Variants in ADAM22 observed in about 807,000 individuals in gnomAD.
ADAM22 encodes disintegrin and metalloproteinase domain-containing protein 22.
A neutral mutation model predicts 144.6 loss-of-function variants in ADAM22; 65 were observed. The observed-to-expected ratio is 0.45, with a 90% confidence interval of 0.37 to 0.55. The LOEUF is 0.55. ADAM22 is among the 20% of genes least tolerant of loss of function. The pLI is 0.00. For synonymous variants in ADAM22, 391 were observed against 412.6 expected (o/e 0.95, Z 0.63); for missense variants, 974 against 1,184.9 (o/e 0.82, Z 2.61).
At chr7:88,178,719 C>T (rs1846282270) in intron 26 of ADAM22, among the ~76,000 whole-genome samples, 1 of 152,058 alleles carries the variant, frequency 6.6e-6, no homozygotes, top group Admixed American at 6.5e-5. Flanking sequence ...CTTTATTCAT[C>T]CAAATGATAA....
Position 88,136,009 on chromosome 7 carries a change from G to A in ADAM22, c.1198G>A (p.Gly400Arg), listed in dbSNP as rs953081902. 3 of 1,611,880 alleles carry A rather than the reference G, an allele frequency of 1.9e-6. No homozygotes were observed. Among genetic ancestry groups the A allele is most frequent in the East Asian group, 2.2e-5 (1 of 44,822 alleles). ...GECKCEDTWS[G>R]CIMGDTGYYL... ...ATGTAAATGCGAGGACACGTGGTCC[G>A]GGTGCATAATGGGAGACACTGGGTG... is the stretch of plus-strand genomic sequence containing the variant. The change falls in exon 14 of 32, where the codon GGG (glycine) becomes AGG (arginine). Residue 400 changes from glycine (G) to arginine (R), a missense_variant. Around this residue, in one of 2 missense-constraint regions of ADAM22, gnomAD observed 734 missense variants for 950.6 expected, o/e 0.77. Transcript: ENST00000413139.
rs149543640 is a variant in ADAM22, at chr7:87,973,045, T to C, written c.247-5291T>C. On this transcript the variant is annotated intron_variant, in intron 2 of 31. Transcript: ENST00000413139. ...GACATAGGCACGGGCAGACTTCATG[T>C]CTCAAACCCCCAAAGCAATGGCAAC... 8.5e-4 allele frequency among the ~76,000 whole-genome samples: 130 copies of C among 152,240 alleles called. 4 individuals are homozygous for C. The East Asian group carries it at 0.023, about 27-fold the overall frequency.
At chr7:88,147,270 G>A (rs1027332140) in intron 17 of ADAM22, among the ~76,000 whole-genome samples, 1 of 152,142 alleles carries the variant, frequency 6.6e-6, no homozygotes, top group African/African-American at 2.4e-5. Context: ...TAGACTCCTA[G>A]GGCAGCCAGA....
chr7:88,083,235 A>C lies in ADAM22; in HGVS notation c.390+7543A>C, dbSNP rs530845400. Among the ~76,000 whole-genome samples the C allele has an allele frequency of 2.0e-5, 3 of 152,244 alleles. No homozygotes were observed. In the South Asian group the frequency reaches 6.2e-4, roughly 32 times the overall value. On this transcript the variant is annotated intron_variant, in intron 4 of 31. Coordinates refer to ENST00000413139, the MANE Select transcript of ADAM22 (RefSeq NM_001324418.2). The stretch of plus-strand genomic sequence containing the variant: ...CCATCATTCTCAGCAAACTATTGCG[A>C]GGACAAAAAACCAAACACCGCATGT...
intron 5 of ADAM22, among the ~76,000 whole-genome samples, chr7:88,113,703 A>ATATATATATATATATATATATATATATAT (rs1554478728): frequency 2.1e-5 from 1 of 48,106 alleles, no homozygotes; most frequent in East Asian, 1.4e-3. Context: ...TAAATAAATA[A>ATATATATATATATATATATATATATATAT]ATATATATAT....
At chr7:87,973,389 T>C (rs2129447727) in intron 2 of ADAM22, among the ~76,000 whole-genome samples, 1 of 111,918 alleles carries the variant, frequency 8.9e-6, no homozygotes, top group South Asian at 2.5e-4. Context: ...CACAATGAGA[T>C]ACCATCTCAC....
chr7:88,106,476 C>T (rs1211602155), intron 4 of ADAM22, among the ~76,000 whole-genome samples: 1 of 152,186 alleles, frequency 6.6e-6, no homozygotes, highest in Non-Finnish European at 1.5e-5. Flanking sequence ...ATCCTGTTCT[C>T]TCTCCTCCAT....
At position 88,196,989 on chromosome 7, in the gene ADAM22, T is replaced by G. The variant is rs2129541811; in HGVS notation, c.*498T>G. On this transcript the variant is annotated 3_prime_UTR_variant, in exon 32 of 32. Coordinates refer to ENST00000413139, the MANE Select transcript of ADAM22 (RefSeq NM_001324418.2). ...GCAGGGCTAAGGCATATAGGATTTT[T>G]CTGCAGGACTTTAAAGCTTTGAAAG... The G allele has an allele frequency of 6.5e-6, 1 of 154,572 alleles. No individual in the cohort carries two copies. The highest frequency in any genetic ancestry group is 1.9e-4 in the East Asian group (1 of 5,276). The allele number at this position is 154,572 out of a possible 1,614,324, so 9.6% of individuals were successfully genotyped here.
intron 4 of ADAM22, among the ~76,000 whole-genome samples, chr7:88,083,977 T>C (rs1399040327): frequency 6.6e-6 from 1 of 152,202 alleles, no homozygotes; most frequent in Non-Finnish European, 1.5e-5. Context: ...TTCATTTGGC[T>C]TCACTTCTCT....
At chr7:88,040,294 G>A (rs1802793784) in intron 3 of ADAM22, among the ~76,000 whole-genome samples, 1 of 151,880 alleles carries the variant, frequency 6.6e-6, no homozygotes, top group African/African-American at 2.4e-5. Flanking sequence ...ACCATACCCA[G>A]CTACTTTTTG....
intron 22 of ADAM22, among the ~76,000 whole-genome samples, chr7:88,159,767 G>A (rs752818991): frequency 5.3e-5 from 8 of 151,794 alleles, no homozygotes; most frequent in East Asian, 1.9e-4. Flanking sequence ...CAAAATAAGA[G>A]CCATCTATGA....
At chr7:88,151,150 G>T (rs1013148718) in intron 19 of ADAM22, 107 bp from the exon 20 acceptor site, 2 of 1,510,062 alleles carry the variant, frequency 1.3e-6, no homozygotes, top group Non-Finnish European at 1.8e-6. Context: ...AAGATAAAAG[G>T]CCTCTCTACT....
intron 8 of ADAM22, among the ~76,000 whole-genome samples, chr7:88,126,839 A>C (rs1016204912): frequency 2.0e-5 from 3 of 151,922 alleles, no homozygotes; most frequent in African/African-American, 7.2e-5. Context: ...AGAGATACTT[A>C]ACCTATAATA....
chr7:87,986,824 A>G (rs1389996231), intron 3 of ADAM22, among the ~76,000 whole-genome samples: 1 of 152,178 alleles, frequency 6.6e-6, no homozygotes, highest in African/African-American at 2.4e-5. Context: ...AGATTTTAGC[A>G]TACTTATGAG....
intron 3 of ADAM22, among the ~76,000 whole-genome samples, chr7:88,053,416 C>T (rs2129474928): frequency 6.6e-6 from 1 of 151,976 alleles, no homozygotes; most frequent in South Asian, 2.1e-4. Context: ...CTGCAGCAAG[C>T]CATGATTGCA....
At chr7:88,127,795 T>A (rs555797685) in intron 8 of ADAM22, among the ~76,000 whole-genome samples, 1 of 152,138 alleles carries the variant, frequency 6.6e-6, no homozygotes, top group Non-Finnish European at 1.5e-5. Flanking sequence ...AACTATGGCA[T>A]AAAGGAAAAA....
chr7:88,082,501 C>G (rs1469068674), intron 4 of ADAM22, among the ~76,000 whole-genome samples: 3 of 152,070 alleles, frequency 2.0e-5, no homozygotes, highest in Non-Finnish European at 2.9e-5. Flanking sequence ...TCTAATTAAA[C>G]TAAAGAGCTT....
intron 3 of ADAM22, among the ~76,000 whole-genome samples, chr7:87,980,823 C>T (rs539689201): frequency 2.6e-5 from 4 of 152,134 alleles, no homozygotes; most frequent in African/African-American, 9.6e-5. Context: ...GGGTGGGGAG[C>T]AGTTTTTCTT....
intron 3 of ADAM22, among the ~76,000 whole-genome samples, chr7:88,012,280 C>G (rs1007250575): frequency 3.3e-5 from 5 of 152,168 alleles, no homozygotes; most frequent in Admixed American, 3.3e-4. Context: ...ACTAAAGCCT[C>G]TAACCTAGTA....
Sources: gnomAD v4.1 joint callset for allele counts (sites outside exome capture counted in the v4.1 genomes callset) on GRCh38, gnomAD v4.1.1 for gene constraint, gnomAD v4.1.1 regional missense constraint, MANE v1.5 for transcripts, NCBI Gene and HGNC (gene_info 2026-07-23, HGNC 2026-07-21) for gene names.